LAMP3: variants seen among roughly 807,000 people sequenced by gnomAD.
The protein encoded by LAMP3 is lysosome associated membrane protein 3, also known as lysosome-associated membrane glycoprotein 3.
In LAMP3, 26 loss-of-function variants were observed where a neutral mutation model predicts 34.8. That is an observed-to-expected ratio of 0.75 (90% CI 0.55 to 1.04). The LOEUF (loss-of-function observed/expected upper bound fraction) is 1.04. LAMP3 is among the 50% of genes least tolerant of loss of function. The pLI, the probability that LAMP3 is intolerant of heterozygous loss-of-function variation, is 0.00. For synonymous variants in LAMP3, 180 were observed against 201.9 expected (o/e 0.89, Z 0.92); for missense variants, 495 against 524.0 (o/e 0.94, Z 0.54).
At chr3:183,130,373 T>A (rs1405807467) in intron 5 of LAMP3, among the ~76,000 whole-genome samples, 1 of 152,000 alleles carries the variant, frequency 6.6e-6, no homozygotes, top group Non-Finnish European at 1.5e-5. Context: ...TTAGCTAGGA[T>A]GGTCTCGATC....
intron 5 of LAMP3, 143 bp from the exon 6 acceptor site, chr3:183,124,357 G>T: frequency 1.6e-6 from 1 of 644,426 alleles, no homozygotes; most frequent in Non-Finnish European, 2.4e-6. Flanking sequence ...TGTGACCTTG[G>T]GCAGGTAATT....
chr3:183,158,643 T>C (rs1720889619), intron 1 of LAMP3, among the ~76,000 whole-genome samples: 2 of 152,114 alleles, frequency 1.3e-5, no homozygotes, highest in Admixed American at 1.3e-4. Context: ...AGATGAGTCA[T>C]TGCCCAGTCC....
At chr3:183,133,185 A>G (rs73054106) in intron 5 of LAMP3, among the ~76,000 whole-genome samples, 4,805 of 152,294 alleles carry the variant, frequency 0.032, 253 homozygotes, top group African/African-American at 0.11. Context: ...AGATGCCCAG[A>G]CACATGCCCA....
intron 3 of LAMP3, among the ~76,000 whole-genome samples, chr3:183,151,725 G>A (rs1359315704): frequency 6.6e-6 from 1 of 151,550 alleles, no homozygotes; most frequent in Non-Finnish European, 1.5e-5. Flanking sequence ...ACCGCACCCA[G>A]CTGGGGCATG....
intron 2 of LAMP3, among the ~76,000 whole-genome samples, 166 bp from the exon 3 acceptor site, chr3:183,152,669 A>G (rs1394844145): frequency 1.3e-5 from 2 of 152,194 alleles, no homozygotes; most frequent in African/African-American, 2.4e-5. Flanking sequence ...GTTATGTTCA[A>G]AAGCTTTCTT....
rs150380664 is a variant in LAMP3 at position 183,153,987 on chromosome 3, C to T, written c.454G>A (p.Val152Ile). The T allele has an allele frequency of 6.7e-5, 108 of 1,613,886 alleles. No individual in the cohort carries two copies. The African/African-American group carries it at 9.8e-4, about 15-fold the overall frequency. ...AHTTGTSSST[V>I]SHTTGNTTQP... The stretch of plus-strand genomic sequence containing the variant: ...GTGGTGTTCCCAGTTGTGTGGCTGA[C>T]GGTTGATGAACTGGTTCCAGTTGTA... The change falls in exon 2 of 6, where the codon GTC becomes ATC. Residue 152 changes from valine (V) to isoleucine (I), a missense_variant. Physicochemically the swap from Val to Ile is conservative, Grantham distance 29. Coordinates refer to ENST00000265598, the MANE Select transcript of LAMP3 (RefSeq NM_014398.4).
At chr3:183,157,508 A>G in intron 1 of LAMP3, among the ~76,000 whole-genome samples, 1 of 152,240 alleles carries the variant, frequency 6.6e-6, no homozygotes, top group East Asian at 1.9e-4. Flanking sequence ...CATTAGATTC[A>G]TACTATTACA....
At chr3:183,157,379 G>A (rs971440112) in intron 1 of LAMP3, among the ~76,000 whole-genome samples, 1 of 152,214 alleles carries the variant, frequency 6.6e-6, no homozygotes. Flanking sequence ...GGAGCTTGGA[G>A]AAAGATTTTT....
chr3:183,154,615 A>T (rs1418501294), intron 1 of LAMP3, among the ~76,000 whole-genome samples: 1 of 152,230 alleles, frequency 6.6e-6, no homozygotes, highest in Non-Finnish European at 1.5e-5. Context: ...TTACAGGGTT[A>T]TGACAGTTCC....
chr3:183,145,118 T>TA (rs1720401431), intron 3 of LAMP3, among the ~76,000 whole-genome samples: 1 of 152,120 alleles, frequency 6.6e-6, no homozygotes, highest in South Asian at 2.1e-4. Flanking sequence ...CAGAATGTTT[T>TA]AAAAGCAACT....
In LAMP3 at chr3:183,160,835, C is replaced by T. The variant is rs573259004; in HGVS notation, c.49+1772G>A. 5 of 152,226 alleles carry T rather than the reference C, an allele frequency of 3.3e-5. No individual in the cohort carries two copies. The East Asian group carries it at 5.8e-4, about 18-fold the overall frequency. The allele number at this position is 152,226 out of a possible 1,614,324, so 9.4% of individuals were successfully genotyped here. On this transcript the variant is annotated intron_variant, in intron 1 of 5. Transcript: ENST00000265598. ...TGCTTCTATTTCCTCGCAAGTAAAACGGAGACAATAGCAGTACTTACAAAG... is the reference window on the plus strand; with the variant it reads ...TGCTTCTATTTCCTCGCAAGTAAAATGGAGACAATAGCAGTACTTACAAAG...
chr3:183,148,063 T>C (rs538562514), intron 3 of LAMP3, among the ~76,000 whole-genome samples: 37 of 152,166 alleles, frequency 2.4e-4, no homozygotes, highest in African/African-American at 5.8e-4. Context: ...AGAACATACA[T>C]TGAGGAAAGG....
At chr3:183,151,341 G>C (rs1436046646) in intron 3 of LAMP3, among the ~76,000 whole-genome samples, 2 of 152,120 alleles carry the variant, frequency 1.3e-5, no homozygotes, top group Non-Finnish European at 2.9e-5. Flanking sequence ...CCTCTGGTCT[G>C]CAAGACATTT....
chr3:183,143,039 A>G (rs540802505), intron 3 of LAMP3, among the ~76,000 whole-genome samples: 1 of 152,304 alleles, frequency 6.6e-6, no homozygotes, highest in African/African-American at 2.4e-5. Flanking sequence ...CAGAGTCTGG[A>G]AGCTGTACTC....
At chr3:183,132,970 C>T (rs907361463) in intron 5 of LAMP3, 7 of 983,758 alleles carry the variant, frequency 7.1e-6, no homozygotes, top group Non-Finnish European at 7.2e-6. Context: ...TAATTGAAGT[C>T]AGAGTAACAA....
In LAMP3 at chr3:183,132,882, C is replaced by T. The variant is rs760405142; in HGVS notation, c.1117+2835G>A. On this transcript the variant is annotated intron_variant, in intron 5 of 5. Coordinates refer to ENST00000265598, the MANE Select transcript of LAMP3 (RefSeq NM_014398.4). ...ACCAGACATGCGGTTAGCAAAATGA[C>T]AAGCAGTCCTGTGATACTCAGGCCC... is the stretch of plus-strand genomic sequence containing the variant. 9.6e-5 allele frequency: 95 copies of T among 985,326 alleles called. 1 individual carries two copies. The highest frequency in any genetic ancestry group is 1.1e-4 in the Non-Finnish European group (92 of 829,946). The allele number at this position is 985,326 out of a possible 1,614,324, so 61.0% of individuals were successfully genotyped here.
chr3:183,157,714 T>A (rs1175131365), intron 1 of LAMP3, among the ~76,000 whole-genome samples: 2 of 151,774 alleles, frequency 1.3e-5, no homozygotes, highest in Non-Finnish European at 2.9e-5. Context: ...CTCAACTGAG[T>A]TCAGTTTCCT....
chr3:183,155,263 A>C (rs1457939824), intron 1 of LAMP3, among the ~76,000 whole-genome samples: 1 of 152,224 alleles, frequency 6.6e-6, no homozygotes, highest in Non-Finnish European at 1.5e-5. Context: ...CCATGCGTTC[A>C]TCCAATCTAG....
At chr3:183,158,435 C>A (rs976098109) in intron 1 of LAMP3, among the ~76,000 whole-genome samples, 1 of 152,068 alleles carries the variant, frequency 6.6e-6, no homozygotes, top group African/African-American at 2.4e-5. Flanking sequence ...TCCCTCTATA[C>A]ACAGAACATA....
Sources: gnomAD v4.1 joint callset for allele counts (sites outside exome capture counted in the v4.1 genomes callset) on GRCh38, gnomAD v4.1.1 for gene constraint, MANE v1.5 for transcripts, NCBI Gene and HGNC (gene_info 2026-07-23, HGNC 2026-07-21) for gene names.